Variants in INTS6 observed in about 807,000 individuals in gnomAD.
The protein encoded by INTS6 is DEAD box protein.
A neutral mutation model predicts 104.9 loss-of-function variants in INTS6; 16 were observed. The observed-to-expected ratio is 0.15, with a 90% CI of 0.10 to 0.23. INTS6 has a LOEUF of 0.23. Ranked by LOEUF, INTS6 falls within the 10% of genes least tolerant of loss-of-function variation. INTS6 has a pLI of 1.00. For missense variants in INTS6, 584 were observed against 1,062.8 expected, an observed-to-expected ratio of 0.55 and a Z score of 6.26; for synonymous variants, 324 against 358.7, an observed-to-expected ratio of 0.90 and a Z score of 1.09.
chr13:51,434,469 C>T (rs904664286), intron 3 of INTS6, among the ~76,000 whole-genome samples: 1 of 151,894 alleles, frequency 6.6e-6, no homozygotes, highest in Non-Finnish European at 1.5e-5. Flanking sequence ...CTCATTGTAC[C>T]AATTATCCCG....
chr13:51,378,120 G>T, intron 12 of INTS6, 119 bp downstream of exon 12: 1 of 725,278 alleles, frequency 1.4e-6, no homozygotes, highest in Non-Finnish European at 2.4e-6. Flanking sequence ...TAGTCTACAA[G>T]AGTACAGAAG....
intron 4 of INTS6, among the ~76,000 whole-genome samples, chr13:51,415,774 C>T (rs1956777184): frequency 1.3e-5 from 2 of 152,128 alleles, no homozygotes; most frequent in Admixed American, 6.5e-5. Context: ...AGTTGAGTCA[C>T]CAAGCCTTTT....
At chr13:51,404,865 T>A (rs1464006054) in intron 4 of INTS6, among the ~76,000 whole-genome samples, 2 of 151,948 alleles carry the variant, frequency 1.3e-5, no homozygotes, top group Non-Finnish European at 2.9e-5. Context: ...TTAAAAAAAA[T>A]TAAAATAGGG....
chr13:51,441,804 C>T (rs1952802074), intron 3 of INTS6: 1 of 149,044 alleles, frequency 6.7e-6, no homozygotes, highest in South Asian at 2.1e-4. Flanking sequence ...CATACGTCCC[C>T]AGGCCTCCCC....
rs564083510 is a variant in INTS6, at chr13:51,406,609, C to A, written c.430-11126G>T. 1.1e-4 allele frequency among the ~76,000 whole-genome samples: 16 copies of A among 152,266 alleles called. No individual in the cohort carries two copies. The South Asian group carries it at 2.5e-3, about 24-fold the overall frequency. On this transcript the variant is annotated intron_variant, in intron 4 of 17. Transcript: ENST00000311234. The stretch of plus-strand genomic sequence containing the variant: ...TCAAGACTAAACAACAATGCTCCAA[C>A]GGAGACCACTTTTATCTCCCTCTCC...
chr13:51,346,588 T>C, the INTS6 span, among the ~76,000 whole-genome samples: 1 of 152,214 alleles, frequency 6.6e-6, no homozygotes, highest in African/African-American at 2.4e-5. Flanking sequence ...CCACCTCCCC[T>C]GACTGGTCAC....
At chr13:51,415,045 C>T (rs905890129) in intron 4 of INTS6, among the ~76,000 whole-genome samples, 1 of 151,642 alleles carries the variant, frequency 6.6e-6, no homozygotes, top group African/African-American at 2.4e-5. Flanking sequence ...TCTGCCTATC[C>T]TAGAATATAT....
At chr13:51,340,991 G>A in the INTS6 span, 7 of 1,376,326 alleles carry the variant, frequency 5.1e-6, no homozygotes, top group Admixed American at 9.2e-5. Flanking sequence ...AAACAGAGCT[G>A]GGGGTCCCAG....
intron 4 of INTS6, among the ~76,000 whole-genome samples, chr13:51,414,397 A>T (rs955582145): frequency 6.6e-6 from 1 of 152,208 alleles, no homozygotes; most frequent in Non-Finnish European, 1.5e-5. Context: ...GAATCCTTGA[A>T]GGTTCAACTA....
chr13:51,342,462 C>T, the INTS6 span, among the ~76,000 whole-genome samples: 1 of 152,216 alleles, frequency 6.6e-6, no homozygotes, highest in Admixed American at 6.5e-5. Context: ...GAGTGTTTAG[C>T]ACAATGTCTA....
the INTS6 span, among the ~76,000 whole-genome samples, chr13:51,345,592 CAAAAAAAA>C: frequency 5.4e-5 from 2 of 37,042 alleles, no homozygotes; most frequent in African/African-American, 1.8e-4. Context: ...GATTTCATCT[CAAAAAAAA>C]AAAAAAAAAA....
chr13:51,448,877 T>C (rs1018267032), intron 3 of INTS6: 6 of 152,164 alleles, frequency 3.9e-5, no homozygotes, highest in African/African-American at 2.4e-5. Context: ...TGTAAAGACA[T>C]TGAAGTTACA....
downstream of INTS6, among the ~76,000 whole-genome samples, chr13:51,360,289 TAC>T (rs929603194): frequency 1.3e-5 from 2 of 151,990 alleles, no homozygotes; most frequent in African/African-American, 4.8e-5. Context: ...CTGACTAGCA[TAC>T]ACTTTCTGAA....
At position 51,452,743 on chromosome 13, in the gene INTS6, TCCG is replaced by T; in HGVS notation, c.-221_-219del. 8.1e-7 allele frequency: 1 copy of T among 1,229,382 alleles called. No homozygotes were observed. Among genetic ancestry groups the T allele is most frequent in the Non-Finnish European group, 1.0e-6 (1 of 978,340 alleles). 76.2% of individuals were successfully genotyped at this position (1,229,382 alleles called of 1,614,324 possible). A position where few individuals can be genotyped will look rare whatever the true frequency, so the allele number is the denominator to read the frequency against. Reference sequence around the variant, plus strand: ...CAGTGCTCCCCGTCGTACCCCCGCCTCCGCCTCCTCCTGCCTGCCTGCCCGCTG... The same window carrying T: ...CAGTGCTCCCCGTCGTACCCCCGCCTCCTCCTCCTGCCTGCCTGCCCGCTG... On this transcript the variant is annotated 5_prime_UTR_variant, in exon 1 of 18. Coordinates refer to ENST00000311234, the MANE Select transcript of INTS6 (RefSeq NM_012141.3). The surrounding 1 kb of genome is among the most constrained non-coding windows in gnomAD (Gnocchi z 4.2).
chr13:51,387,201 A>G (rs563887735), intron 7 of INTS6, among the ~76,000 whole-genome samples, 185 bp downstream of exon 7: 34 of 152,346 alleles, frequency 2.2e-4, no homozygotes, highest in African/African-American at 7.9e-4. Context: ...ATTACTTCAT[A>G]ATAAACAAAG....
chr13:51,336,411 C>T, the INTS6 span, among the ~76,000 whole-genome samples: 3,800 of 152,198 alleles, frequency 0.025, 62 homozygotes, highest in South Asian at 0.056. Context: ...TGCTTGAACC[C>T]GGGAGGCAGA....
intron 4 of INTS6, among the ~76,000 whole-genome samples, chr13:51,401,756 G>A (rs1252466125): frequency 6.6e-6 from 1 of 152,114 alleles, no homozygotes; most frequent in Non-Finnish European, 1.5e-5. Context: ...AAGGTACACA[G>A]TAAGTGGTGA....
intron 3 of INTS6, chr13:51,437,186 GTGAA>G: frequency 6.6e-6 from 1 of 152,100 alleles, no homozygotes; most frequent in Admixed American, 6.5e-5. Flanking sequence ...TCAAAGATAG[GTGAA>G]TGGAGTTATA....
the INTS6 span, chr13:51,347,284 T>C: frequency 1.3e-6 from 2 of 1,532,702 alleles, no homozygotes; most frequent in East Asian, 2.3e-5. Flanking sequence ...AGCCTGGGCC[T>C]GAGGGCAGGA....
Sources: allele counts gnomAD v4.1 joint callset (sites outside exome capture counted in the v4.1 genomes callset), GRCh38; gene constraint gnomAD v4.1.1; non-coding constraint Gnocchi (gnomAD v3.1); transcripts MANE v1.5; gene names NCBI Gene and HGNC (gene_info 2026-07-23, HGNC 2026-07-21).